ODR4: variants seen among roughly 807,000 people sequenced by gnomAD.
ODR4 encodes odr-4 GPCR localization factor homolog.
Under a neutral mutation model 60.2 loss-of-function variants are expected in ODR4, and 47 were observed. The observed-to-expected ratio is 0.78, with a 90% confidence interval of 0.62 to 1.00. The LOEUF is 1.00. Among genes scored for constraint, ODR4 ranks in the 50% least tolerant of loss-of-function variants. The pLI, the probability that ODR4 is intolerant of heterozygous loss-of-function variation, is 0.00. For missense variants in ODR4, 488 were observed against 530.8 expected (o/e 0.92, Z 0.79); for synonymous variants, 178 against 175.5 (o/e 1.01, Z -0.11).
chr1:186,402,967 A>C (rs1661041556), intron 11 of ODR4, among the ~76,000 whole-genome samples: 1 of 152,208 alleles, frequency 6.6e-6, no homozygotes, highest in Admixed American at 6.5e-5. Context: ...TAAGGCCCCT[A>C]ATAAAATTGG....
At chr1:186,429,960 T>A in the ODR4 span, among the ~76,000 whole-genome samples, 26 of 152,164 alleles carry the variant, frequency 1.7e-4, no homozygotes, top group African/African-American at 6.3e-4. Context: ...ATTGATTTGT[T>A]AGTTGTTAAG....
intron 2 of ODR4, among the ~76,000 whole-genome samples, chr1:186,381,481 C>T (rs1034849853): frequency 2.0e-5 from 3 of 152,078 alleles, no homozygotes; most frequent in African/African-American, 7.2e-5. Context: ...GCGCCCGCCA[C>T]CTCGCCCGGC....
intron 3 of ODR4, 30 bp downstream of exon 3, chr1:186,383,186 A>T: frequency 6.5e-7 from 1 of 1,535,484 alleles, no homozygotes; most frequent in Non-Finnish European, 8.8e-7. Flanking sequence ...TATATGTTTA[A>T]GTTTTATTTC....
downstream of ODR4, among the ~76,000 whole-genome samples, chr1:186,424,174 A>G (rs1172893158): frequency 6.6e-6 from 1 of 152,208 alleles, no homozygotes; most frequent in African/African-American, 2.4e-5. Context: ...TGACAACAAA[A>G]AACAAATTAC....
chr1:186,433,989 G>A, the ODR4 span, among the ~76,000 whole-genome samples: 1 of 152,116 alleles, frequency 6.6e-6, no homozygotes, highest in South Asian at 2.1e-4. Flanking sequence ...TCAAAGAACT[G>A]CACTGAAATT....
downstream of ODR4, among the ~76,000 whole-genome samples, chr1:186,422,548 C>T (rs972470251): frequency 6.6e-6 from 1 of 152,058 alleles, no homozygotes; most frequent in African/African-American, 2.4e-5. Flanking sequence ...TGAGGCAAGT[C>T]ACAAAACATC....
At chr1:186,381,814 T>C (rs1247345761) in intron 2 of ODR4, among the ~76,000 whole-genome samples, 1 of 152,170 alleles carries the variant, frequency 6.6e-6, no homozygotes, top group Non-Finnish European at 1.5e-5. Flanking sequence ...ATACATTTTA[T>C]GAAGAAAAGA....
chr1:186,411,826 G>A, intron 12 of ODR4: 1 of 971,848 alleles, frequency 1.0e-6, no homozygotes, highest in Non-Finnish European at 1.2e-6. Context: ...TATAGAGATG[G>A]ATTAACAGTA....
the ODR4 span, among the ~76,000 whole-genome samples, chr1:186,431,378 T>G: frequency 5.3e-5 from 8 of 152,088 alleles, no homozygotes; most frequent in Admixed American, 3.9e-4. Context: ...AAGTTGTGTA[T>G]TTTTCCCCCA....
intron 9 of ODR4, among the ~76,000 whole-genome samples, chr1:186,395,791 T>G (rs1454803398): frequency 1.3e-5 from 2 of 152,218 alleles, no homozygotes; most frequent in Non-Finnish European, 2.9e-5. Context: ...AATCATAGTT[T>G]ATGTTCAGTT....
intron 9 of ODR4, among the ~76,000 whole-genome samples, chr1:186,395,284 C>CA (rs34602880): frequency 0.99 from 150,544 of 152,188 alleles, 74,462 homozygotes; most frequent in East Asian, 1. Context: ...TTAGTAGAGA[C>CA]GGGTTTCACT....
intron 12 of ODR4, among the ~76,000 whole-genome samples, chr1:186,408,757 A>G (rs944158310): frequency 3.3e-5 from 5 of 151,586 alleles, no homozygotes; most frequent in Admixed American, 6.6e-5. Flanking sequence ...TGCATCTCAC[A>G]TTCTTAAACT....
At chr1:186,388,628 A>G in intron 5 of ODR4, 80 bp downstream of exon 5, 1 of 794,150 alleles carries the variant, frequency 1.3e-6, no homozygotes. Flanking sequence ...CTATTTATTT[A>G]AATCATCATT....
At chr1:186,405,094 T>TTC (rs1661123338) in intron 11 of ODR4, among the ~76,000 whole-genome samples, 1 of 152,158 alleles carries the variant, frequency 6.6e-6, no homozygotes, top group African/African-American at 2.4e-5. Context: ...CTAAAAATGA[T>TTC]TTAAGGCTTT....
At chr1:186,404,065 C>T (rs1368834684) in intron 11 of ODR4, among the ~76,000 whole-genome samples, 3 of 152,178 alleles carry the variant, frequency 2.0e-5, no homozygotes, top group Non-Finnish European at 2.9e-5. Context: ...TTAAAAGTTT[C>T]AGTACTACTC....
At chr1:186,428,791 A>G in the ODR4 span, among the ~76,000 whole-genome samples, 18,985 of 152,188 alleles carry the variant, frequency 0.12, 1,547 homozygotes, top group East Asian at 0.38. Flanking sequence ...TTCAGAGAAT[A>G]GGGATAGGGA....
At chr1:186,430,579 G>A in the ODR4 span, among the ~76,000 whole-genome samples, 1 of 152,024 alleles carries the variant, frequency 6.6e-6, no homozygotes, top group Non-Finnish European at 1.5e-5. Context: ...TGCAATTTCT[G>A]TGTTTAACAA....
chr1:186,423,703 C>A (rs1661836972), downstream of ODR4, among the ~76,000 whole-genome samples: 1 of 151,942 alleles, frequency 6.6e-6, no homozygotes, highest in South Asian at 2.1e-4. Context: ...GATCTGCCTG[C>A]CTCGGCCTCC....
intron 11 of ODR4, among the ~76,000 whole-genome samples, chr1:186,402,819 TC>T (rs1347606634): frequency 6.6e-6 from 1 of 152,050 alleles, no homozygotes; most frequent in East Asian, 1.9e-4. Context: ...GTCTCAAACT[TC>T]TGGCCCCAAG....
Sources: allele counts gnomAD v4.1 joint callset (sites outside exome capture counted in the v4.1 genomes callset), GRCh38; gene constraint gnomAD v4.1.1; transcripts MANE v1.5; gene names NCBI Gene and HGNC (gene_info 2026-07-23, HGNC 2026-07-21).